Variants in TASP1 observed in about 807,000 individuals in gnomAD.
TASP1 encodes taspase 1.
A neutral mutation model predicts 56.6 loss-of-function variants in TASP1; 16 were observed. That is an observed-to-expected ratio of 0.28 (90% CI 0.19 to 0.43). The LOEUF (loss-of-function observed/expected upper bound fraction) is 0.43. TASP1 is among the 20% of genes least tolerant of loss of function. The pLI, the probability that TASP1 is intolerant of heterozygous loss-of-function variation, is 1.00. For synonymous variants in TASP1, 179 were observed against 184.2 expected (o/e 0.97, Z 0.23); for missense variants, 393 against 511.6 (o/e 0.77, Z 2.24).
the TASP1 span, among the ~76,000 whole-genome samples, chr20:13,262,243 A>G: frequency 7.2e-5 from 11 of 152,342 alleles, no homozygotes; most frequent in Admixed American, 5.2e-4. Context: ...GAGGGATGGA[A>G]GCCCCCTGGT....
At chr20:13,393,862 CCCCTGCG>C (rs2041392976) in intron 13 of TASP1, among the ~76,000 whole-genome samples, 1 of 151,802 alleles carries the variant, frequency 6.6e-6, no homozygotes, top group Non-Finnish European at 1.5e-5. Context: ...TGAATAAAGT[CCCCTGCG>C]CTCAGCCAAA....
At chr20:13,107,981 T>C in the TASP1 span, among the ~76,000 whole-genome samples, 40 of 152,208 alleles carry the variant, frequency 2.6e-4, no homozygotes, top group Non-Finnish European at 5.3e-4. Context: ...GGAAGTCAAA[T>C]AGTGTATTAA....
the TASP1 span, among the ~76,000 whole-genome samples, chr20:13,292,222 T>C: frequency 6.6e-6 from 1 of 152,218 alleles, no homozygotes; most frequent in Non-Finnish European, 1.5e-5. Context: ...GACCTGCTTT[T>C]TACTGTTTCC....
the TASP1 span, among the ~76,000 whole-genome samples, chr20:13,306,448 TG>T: frequency 6.6e-6 from 1 of 152,134 alleles, no homozygotes; most frequent in Non-Finnish European, 1.5e-5. Flanking sequence ...GGTTTTGCTT[TG>T]TCTAGTTATA....
the TASP1 span, chr20:13,117,613 C>T: frequency 1.2e-6 from 2 of 1,614,056 alleles, no homozygotes; most frequent in Non-Finnish European, 1.7e-6. Flanking sequence ...GTGGGCCCAA[C>T]CGGCCGGGGT....
the TASP1 span, among the ~76,000 whole-genome samples, chr20:13,268,297 CCTTCT>C: frequency 4.7e-5 from 7 of 148,314 alleles, no homozygotes; most frequent in African/African-American, 1.5e-4. Context: ...TTCTTCTCTT[CCTTCT>C]CTTCTCTTTT....
intron 11 of TASP1, among the ~76,000 whole-genome samples, chr20:13,478,885 C>T (rs902467774): frequency 2.0e-5 from 3 of 152,030 alleles, no homozygotes; most frequent in African/African-American, 7.2e-5. Flanking sequence ...TAAAATGATA[C>T]AGACAAAAAT....
the TASP1 span, among the ~76,000 whole-genome samples, chr20:13,146,093 C>T: frequency 6.6e-6 from 1 of 152,148 alleles, no homozygotes; most frequent in Non-Finnish European, 1.5e-5. Context: ...TACTATGCAG[C>T]CATAAGAAAG....
chr20:13,484,808 G>T lies in TASP1; in HGVS notation c.875-1471C>A, dbSNP rs560756852. Among the ~76,000 whole-genome samples the T allele has an allele frequency of 2.0e-5, 3 of 151,298 alleles. No individual in the cohort carries two copies. In the East Asian group the frequency reaches 5.8e-4, roughly 29 times the overall value. ...TGGAATACTACGCAGCCATAAAAAC[G>T]GATGAGTTCATGTCCTTTGCAGGGA... is the stretch of plus-strand genomic sequence containing the variant. On this transcript the variant is annotated intron_variant, in intron 10 of 13. Coordinates refer to ENST00000337743, the MANE Select transcript of TASP1 (RefSeq NM_017714.3).
intron 13 of TASP1, among the ~76,000 whole-genome samples, chr20:13,400,896 T>C (rs1230345896): frequency 2.6e-5 from 4 of 152,216 alleles, no homozygotes; most frequent in East Asian, 1.9e-4. Flanking sequence ...CACTCCAAGA[T>C]GAAGACTTTT....
the TASP1 span, among the ~76,000 whole-genome samples, chr20:13,374,476 G>A: frequency 1.3e-5 from 2 of 151,866 alleles, no homozygotes; most frequent in Admixed American, 1.3e-4. Flanking sequence ...AGCCTCCCGA[G>A]TAACTGGGAC....
the TASP1 span, among the ~76,000 whole-genome samples, chr20:13,195,269 C>T: frequency 0.027 from 4,084 of 152,298 alleles, 170 homozygotes; most frequent in African/African-American, 0.092. Context: ...ACACACTGGG[C>T]AGCTGCTGCA....
chr20:13,392,789 A>G lies in TASP1; in HGVS notation c.1171-2337T>C, dbSNP rs550086833. ...CTCACCATCAGTGACCCCTTCCTTG[A>G]CCTCAACTACATAGTCTACATGTTC... On this transcript the variant is annotated intron_variant, in intron 13 of 13. Coordinates refer to ENST00000337743, the MANE Select transcript of TASP1 (RefSeq NM_017714.3). The G allele has an allele frequency of 6.3e-5, 39 of 615,796 alleles. No individual in the cohort carries two copies. In the African/African-American group the frequency reaches 7.1e-4, roughly 11 times the overall value. 38.1% of individuals were successfully genotyped at this position (615,796 alleles called of 1,614,324 possible).
intron 11 of TASP1, among the ~76,000 whole-genome samples, chr20:13,439,234 T>C (rs1406212089): frequency 1.3e-5 from 2 of 152,160 alleles, no homozygotes; most frequent in African/African-American, 4.8e-5. Context: ...CTATTCACAA[T>C]AGCAAAGACT....
chr20:13,118,849 G>C, the TASP1 span, among the ~76,000 whole-genome samples: 1 of 152,380 alleles, frequency 6.6e-6, no homozygotes, highest in Non-Finnish European at 1.5e-5. Context: ...TAAAACAACA[G>C]ATTTAATTCT....
chr20:13,405,263 A>G (rs1348342744), intron 13 of TASP1, among the ~76,000 whole-genome samples: 3 of 152,232 alleles, frequency 2.0e-5, no homozygotes, highest in Non-Finnish European at 4.4e-5. Flanking sequence ...ATAGGATAAC[A>G]TTTTAAAATG....
chr20:13,237,602 T>A, the TASP1 span, among the ~76,000 whole-genome samples: 19 of 152,284 alleles, frequency 1.2e-4, no homozygotes, highest in Admixed American at 4.6e-4. Flanking sequence ...GTGCTGGTAA[T>A]GTTTTGCCTC....
intron 4 of TASP1, among the ~76,000 whole-genome samples, chr20:13,613,431 T>C (rs968404677): frequency 2.0e-5 from 3 of 152,144 alleles, no homozygotes; most frequent in Admixed American, 2.0e-4. Context: ...AGTTCCCATA[T>C]AGCAGAGGGT....
chr20:13,176,247 G>A, the TASP1 span, among the ~76,000 whole-genome samples: 1 of 152,084 alleles, frequency 6.6e-6, no homozygotes, highest in South Asian at 2.1e-4. Flanking sequence ...TTCTTTCTCT[G>A]GCCTCATTAC....
Sources: gnomAD v4.1 joint callset for allele counts (sites outside exome capture counted in the v4.1 genomes callset) on GRCh38, gnomAD v4.1.1 for gene constraint, MANE v1.5 for transcripts, NCBI Gene and HGNC (gene_info 2026-07-23, HGNC 2026-07-21) for gene names.